USP42: variants seen among roughly 807,000 people sequenced by gnomAD.
USP42 encodes ubiquitin carboxyl-terminal hydrolase 42.
A neutral mutation model predicts 113.0 loss-of-function variants in USP42; 23 were observed. The observed-to-expected ratio is 0.20, with a 90% CI of 0.15 to 0.29. The LOEUF is 0.29. Ranked by LOEUF, USP42 falls within the 10% of genes least tolerant of loss-of-function variation. USP42 has a pLI of 1.00. For synonymous variants in USP42, 933 were observed against 699.0 expected (o/e 1.33, Z -5.28); for missense variants, 2,174 against 1,779.8 (o/e 1.22, Z -3.99).
intron 1 of USP42, among the ~76,000 whole-genome samples, chr7:6,110,628 T>A (rs1779549875): frequency 6.6e-6 from 1 of 152,208 alleles, no homozygotes; most frequent in African/African-American, 2.4e-5. Flanking sequence ...TGTATTTCAC[T>A]TGGTGCCATT....
intron 3 of USP42, among the ~76,000 whole-genome samples, chr7:6,124,027 C>T (rs549936520): frequency 8.5e-5 from 13 of 152,138 alleles, no homozygotes; most frequent in South Asian, 2.1e-4. Context: ...AGACATGCGC[C>T]GCCGTGCCCG....
chr7:6,127,794 T>C (rs974389014), intron 3 of USP42, among the ~76,000 whole-genome samples: 1 of 152,200 alleles, frequency 6.6e-6, no homozygotes, highest in Non-Finnish European at 1.5e-5. Flanking sequence ...ATATAAAATA[T>C]TTTGCTGGGA....
At chr7:6,094,710 C>G in the USP42 span, among the ~76,000 whole-genome samples, 1 of 151,110 alleles carries the variant, frequency 6.6e-6, no homozygotes, top group African/African-American at 2.5e-5. Flanking sequence ...TGGCACTATT[C>G]TCTGCGATTT....
intron 3 of USP42, among the ~76,000 whole-genome samples, chr7:6,119,989 G>A (rs552148374): frequency 5.0e-4 from 76 of 151,998 alleles, no homozygotes; most frequent in African/African-American, 1.8e-3. Flanking sequence ...TTTTTGAGAC[G>A]GAGTCTCGCT....
chr7:6,124,013 T>G (rs1241341323), intron 3 of USP42, among the ~76,000 whole-genome samples: 4 of 152,066 alleles, frequency 2.6e-5, no homozygotes, highest in Non-Finnish European at 5.9e-5. Context: ...GTAGCTGGGA[T>G]TACAGACATG....
rs1779944539 is a variant in USP42 at position 6,116,950 on chromosome 7, T to A, written c.442+1427T>A. 4 of 477,752 alleles carry A rather than the reference T, an allele frequency of 8.4e-6. No homozygotes were observed. The Admixed American group carries it at 1.1e-4, about 13-fold the overall frequency. The allele number at this position is 477,752 out of a possible 1,614,324, so 29.6% of individuals were successfully genotyped here. On this transcript the variant is annotated intron_variant, in intron 3 of 17. Transcript: ENST00000306177. ...GATGTCCAGAATTAGGTGCCTATCTTTTATGCTACTGGTAGTTTTTGTGCT... is the reference window on the plus strand; with the variant it reads ...GATGTCCAGAATTAGGTGCCTATCTATTATGCTACTGGTAGTTTTTGTGCT...
chr7:6,114,461 G>A (rs912955881), intron 2 of USP42, among the ~76,000 whole-genome samples: 4 of 151,558 alleles, frequency 2.6e-5, no homozygotes, highest in South Asian at 4.2e-4. Context: ...ATCTCCCCAC[G>A]ACATTATCTC....
intron 3 of USP42, among the ~76,000 whole-genome samples, chr7:6,133,775 C>T (rs1358362327): frequency 1.3e-5 from 2 of 152,162 alleles, no homozygotes; most frequent in East Asian, 1.9e-4. Context: ...CTGCCTCAGC[C>T]TCCCGAAGCA....
At chr7:6,117,407 T>G (rs147035480) in intron 3 of USP42, among the ~76,000 whole-genome samples, 1 of 152,358 alleles carries the variant, frequency 6.6e-6, no homozygotes, top group Non-Finnish European at 1.5e-5. Flanking sequence ...TAGGATTCCA[T>G]TTTATGGCTA....
At chr7:6,115,215 C>A in intron 2 of USP42, 108 bp from the exon 3 acceptor site, 1 of 1,075,540 alleles carries the variant, frequency 9.3e-7, no homozygotes, top group Non-Finnish European at 1.4e-6. Flanking sequence ...GTAGGCTGGT[C>A]ATGAGATTTC....
At chr7:6,147,205 T>C (rs1781765747) in intron 11 of USP42, among the ~76,000 whole-genome samples, 2 of 152,192 alleles carry the variant, frequency 1.3e-5, no homozygotes, top group Non-Finnish European at 2.9e-5. Context: ...AGGATTTTGT[T>C]TCTAACTTTT....
rs141249306 is a variant in USP42 at position 6,118,144 on chromosome 7, A to G, written c.442+2621A>G. Among the ~76,000 whole-genome samples, 537 of 152,140 alleles carry G rather than the reference A, an allele frequency of 3.5e-3. 7 individuals carry two copies. The highest frequency in any genetic ancestry group is 0.012 in the African/African-American group (493 of 41,492). ...GTATGTGGCTCATGCCTGTAATCCC[A>G]GCACTTTGGGAGAACGAGGCAGGTA... On this transcript the variant is annotated intron_variant, in intron 3 of 17. Transcript: ENST00000306177.
rs764138389 is a variant in USP42, at chr7:6,153,877, G to T, written c.2323G>T (p.Ala775Ser). 8.3e-6 allele frequency: 13 copies of T among 1,562,748 alleles called. No homozygotes were observed. Among genetic ancestry groups the T allele is most frequent in the Non-Finnish European group, 7.8e-6 (9 of 1,155,626 alleles). Residue 775 changes from alanine (A) to serine (S), a missense_variant, in exon 15 of 18, where the codon GCT becomes TCT. Transcript: ENST00000306177. ...AAAGLSSTKK[A>S]PPPRDPGTPA... is the part of the protein sequence containing the mutation. ...CGCCGGCCTCAGCAGCACCAAGAAG[G>T]CTCCGCCGCCCCGCGATCCCGGCAC... is the stretch of plus-strand genomic sequence containing the variant.
chr7:6,107,938 T>A (rs550293222), intron 1 of USP42, among the ~76,000 whole-genome samples: 10 of 152,164 alleles, frequency 6.6e-5, no homozygotes, highest in Non-Finnish European at 1.5e-4. Flanking sequence ...TCAGAAACTT[T>A]AAGATTGTAT....
chr7:6,144,413 G>A (rs1407864016), intron 9 of USP42, among the ~76,000 whole-genome samples: 1 of 152,146 alleles, frequency 6.6e-6, no homozygotes, highest in African/African-American at 2.4e-5. Flanking sequence ...CTTCCTGCTA[G>A]ACTTTGCCAG....
intron 11 of USP42, 88 bp downstream of exon 11, chr7:6,146,336 TTAA>T (rs1781714218): frequency 4.5e-5 from 35 of 781,556 alleles, no homozygotes; most frequent in Non-Finnish European, 5.4e-5. Context: ...ATTCAGTGTT[TTAA>T]AAAAAAAAAA....
the USP42 span, among the ~76,000 whole-genome samples, chr7:6,097,030 C>T: frequency 6.6e-6 from 1 of 150,744 alleles, no homozygotes; most frequent in Non-Finnish European, 1.5e-5. Flanking sequence ...CCTCAGCCTC[C>T]CAAGTAGCTG....
Position 6,115,434 on chromosome 7 carries a change from A to T in USP42, c.353A>T (p.Asn118Ile). The T allele has an allele frequency of 6.2e-7, 1 of 1,614,094 alleles. No homozygotes were observed. Reference sequence around the variant, plus strand: ...GGAGCTGGGCTCCAGAATTTGGGCAATACCTGTTTTGCCAATGCAGCACTG... The same window carrying T: ...GGAGCTGGGCTCCAGAATTTGGGCATTACCTGTTTTGCCAATGCAGCACTG... ...RVGAGLQNLGNTCFANAALQC... is the reference protein window; with the variant it reads ...RVGAGLQNLGITCFANAALQC... Residue 118 changes from asparagine (N) to isoleucine (I), a missense_variant, in exon 3 of 18, where the codon AAT (asparagine) becomes ATT (isoleucine). By Grantham distance (149) the Asn-to-Ile change is moderately radical. Coordinates refer to ENST00000306177, the MANE Select transcript of USP42 (RefSeq NM_032172.3).
At chr7:6,094,602 C>A in the USP42 span, among the ~76,000 whole-genome samples, 1 of 151,148 alleles carries the variant, frequency 6.6e-6, no homozygotes, top group Non-Finnish European at 1.5e-5. Flanking sequence ...TTCATTGTCA[C>A]CTATGATGGT....
Sources: allele counts gnomAD v4.1 joint callset (sites outside exome capture counted in the v4.1 genomes callset), GRCh38; gene constraint gnomAD v4.1.1; transcripts MANE v1.5; gene names NCBI Gene and HGNC (gene_info 2026-07-23, HGNC 2026-07-21).